Variants in CCDC158 observed in about 807,000 individuals in gnomAD.
CCDC158 encodes the protein coiled-coil domain-containing protein 158.
Under a neutral mutation model 138.6 loss-of-function variants are expected in CCDC158, and 116 were observed. That is an observed-to-expected ratio of 0.84 (90% CI 0.72 to 0.98). CCDC158 has a LOEUF of 0.98. Among genes scored for constraint, CCDC158 ranks in the 50% least tolerant of loss-of-function variants. The pLI is 0.00. For synonymous variants in CCDC158, 436 were observed against 442.4 expected (o/e 0.99, Z 0.18); for missense variants, 1,265 against 1,306.1 (o/e 0.97, Z 0.48).
chr4:76,338,132 C>T (rs997123882), intron 18 of CCDC158, among the ~76,000 whole-genome samples: 1 of 152,222 alleles, frequency 6.6e-6, no homozygotes, highest in Non-Finnish European at 1.5e-5. Context: ...AGGTTGCACA[C>T]TCCTTATGGG....
At chr4:76,409,563 G>T (rs893010051) in intron 2 of CCDC158, among the ~76,000 whole-genome samples, 4 of 152,130 alleles carry the variant, frequency 2.6e-5, no homozygotes, top group African/African-American at 7.2e-5. Context: ...CGGGAGCAGT[G>T]GCTTACACCT....
chr4:76,364,011 A>G (rs1724410499), intron 12 of CCDC158, among the ~76,000 whole-genome samples: 2 of 152,052 alleles, frequency 1.3e-5, no homozygotes, highest in Admixed American at 6.5e-5. Context: ...GAATGTGAAT[A>G]TGGCAACTCT....
chr4:76,323,644 A>T (rs1054362206), intron 23 of CCDC158, among the ~76,000 whole-genome samples: 1 of 152,212 alleles, frequency 6.6e-6, no homozygotes, highest in Admixed American at 6.5e-5. Flanking sequence ...GCTCAAACCA[A>T]TCCGATGTAT....
At chr4:76,380,075 T>C (rs1726091128) in intron 8 of CCDC158, among the ~76,000 whole-genome samples, 1 of 152,226 alleles carries the variant, frequency 6.6e-6, no homozygotes, top group Non-Finnish European at 1.5e-5. Context: ...CTTTTCTTTA[T>C]AAATTACCCA....
Position 76,384,606 on chromosome 4 carries a change from T to G in CCDC158, c.348A>C (p.Gln116His), listed in dbSNP as rs772895048. ...CCATTTGCATCTCCTGAAGTTTTGT[T>G]TGCAAATCAATGACTGACTGCCTCA... ...FYLRQSVIDL[Q>H]TKLQEMQMER... The change falls in exon 5 of 25, where the codon CAA becomes CAC. Residue 116 changes from glutamine (Q) to histidine (H), a missense_variant. By Grantham distance (24) the Gln-to-His change is conservative. Transcript: ENST00000682701. 6.2e-7 allele frequency: 1 copy of G among 1,613,894 alleles called. No homozygotes were observed. The highest frequency in any genetic ancestry group is 1.1e-5 in the South Asian group (1 of 91,006).
At chr4:76,346,893 AG>A (rs1722602774) in intron 18 of CCDC158, among the ~76,000 whole-genome samples, 1 of 152,210 alleles carries the variant, frequency 6.6e-6, no homozygotes, top group African/African-American at 2.4e-5. Context: ...ACTTCTCAGA[AG>A]AAGATATTTA....
At chr4:76,399,569 G>T (rs13123448) in intron 3 of CCDC158, among the ~76,000 whole-genome samples, 1 of 151,988 alleles carries the variant, frequency 6.6e-6, no homozygotes, top group Non-Finnish European at 1.5e-5. Context: ...CTGGAATACT[G>T]GGAGCAAAAG....
rs374834251 is a variant in CCDC158, at chr4:76,338,088, G to A, written c.2665-3921C>T. Among the ~76,000 whole-genome samples, 5 of 152,316 alleles carry A rather than the reference G, an allele frequency of 3.3e-5. No homozygotes were observed. In the East Asian group the frequency reaches 5.8e-4, roughly 18 times the overall value. ...TGGCATTAGATTCTCATAGGAGTGC[G>A]AACCCTCTTGTGAACTGCACATGCA... On this transcript the variant is annotated intron_variant, in intron 18 of 24. Coordinates refer to ENST00000682701, the MANE Select transcript of CCDC158 (RefSeq NM_001394954.1).
Position 76,383,951 on chromosome 4 carries a change from A to G in CCDC158, c.726+137T>C. ...AAGCTAGTTCCTATTATGAGAGATT[A>G]CTGTGGAAGTAACTTCTGTTATTTC... is the stretch of plus-strand genomic sequence containing the variant. On this transcript the variant is annotated intron_variant, in intron 6 of 24. Transcript: ENST00000682701. 3 of 742,112 alleles carry G rather than the reference A, an allele frequency of 4.0e-6. No individual in the cohort carries two copies. In the East Asian group the frequency reaches 8.1e-5, roughly 20 times the overall value. The allele number at this position is 742,112 out of a possible 1,614,324, so 46.0% of individuals were successfully genotyped here.
At chr4:76,369,981 T>C (rs907800148) in intron 10 of CCDC158, among the ~76,000 whole-genome samples, 1 of 152,030 alleles carries the variant, frequency 6.6e-6, no homozygotes, top group African/African-American at 2.4e-5. Context: ...CTCAAAAGCA[T>C]GAAGGAAAAA....
intron 14 of CCDC158, 49 bp downstream of exon 14, chr4:76,357,325 C>A: frequency 1.5e-6 from 2 of 1,330,214 alleles, no homozygotes; most frequent in South Asian, 1.8e-5. Context: ...CAAATTTAGT[C>A]CATTAAATTA....
intron 18 of CCDC158, chr4:76,344,892 G>A (rs1722397035): frequency 5.8e-6 from 9 of 1,554,948 alleles, no homozygotes; most frequent in South Asian, 1.1e-5. Flanking sequence ...GGAAGCCTAA[G>A]TGTTAGGTGG....
At chr4:76,334,935 C>T (rs557338905) in intron 18 of CCDC158, among the ~76,000 whole-genome samples, 37 of 152,274 alleles carry the variant, frequency 2.4e-4, no homozygotes, top group East Asian at 3.9e-4. Context: ...TTTATGCCAA[C>T]GAAGAGCTGA....
chr4:76,327,466 C>T (rs1299756867), intron 22 of CCDC158, among the ~76,000 whole-genome samples: 2 of 152,122 alleles, frequency 1.3e-5, no homozygotes, highest in African/African-American at 4.8e-5. Flanking sequence ...TATGGTATAG[C>T]TTATTGCTTC....
At chr4:76,344,523 T>C in intron 18 of CCDC158, 2 of 859,070 alleles carry the variant, frequency 2.3e-6, no homozygotes, top group South Asian at 1.3e-5. Context: ...GTGCCTGATG[T>C]GCCCCAGCTG....
At position 76,390,680 on chromosome 4, in the gene CCDC158, A is replaced by C. The variant is rs181509274; in HGVS notation, c.288+5589T>G. ...GGACTAAATTGTCTAATCAAAAGACATAGAGTGGTTGAATGGATTAAAAAA... is the reference window on the plus strand; with the variant it reads ...GGACTAAATTGTCTAATCAAAAGACCTAGAGTGGTTGAATGGATTAAAAAA... On this transcript the variant is annotated intron_variant, in intron 4 of 24. Coordinates refer to ENST00000682701, the MANE Select transcript of CCDC158 (RefSeq NM_001394954.1). 2.8e-3 allele frequency among the ~76,000 whole-genome samples: 421 copies of C among 152,228 alleles called. 2 individuals carry two copies. The highest frequency in any genetic ancestry group is 9.2e-3 in the African/African-American group (383 of 41,566).
chr4:76,340,155 G>A, intron 18 of CCDC158, among the ~76,000 whole-genome samples: 1 of 152,172 alleles, frequency 6.6e-6, no homozygotes, highest in Non-Finnish European at 1.5e-5. Context: ...CAGATAAAGG[G>A]GCTGCATTCA....
chr4:76,410,102 C>T (rs1004229536), intron 2 of CCDC158, among the ~76,000 whole-genome samples: 1 of 152,148 alleles, frequency 6.6e-6, no homozygotes, highest in Non-Finnish European at 1.5e-5. Flanking sequence ...TATGAATAAT[C>T]CTCACCTTGA....
intron 2 of CCDC158, 148 bp from the exon 3 acceptor site, chr4:76,403,428 A>T (rs28694731): frequency 0.013 from 5,094 of 385,156 alleles, 246 homozygotes; most frequent in African/African-American, 0.099. Flanking sequence ...ACATTATATT[A>T]CATAAAATTA....
Sources: allele counts gnomAD v4.1 joint callset (sites outside exome capture counted in the v4.1 genomes callset), GRCh38; gene constraint gnomAD v4.1.1; transcripts MANE v1.5; gene names NCBI Gene and HGNC (gene_info 2026-07-23, HGNC 2026-07-21).